Variants in MYO3B observed in about 807,000 individuals in gnomAD.
MYO3B encodes myosin-IIIb.
A neutral mutation model predicts 174.6 loss-of-function variants in MYO3B; 156 were observed. The ratio of observed to expected loss-of-function variants is 0.89; its 90% confidence interval spans 0.78 to 1.02. The LOEUF is 1.02. MYO3B is among the 50% of genes least tolerant of loss of function. MYO3B has a pLI of 0.00. For synonymous variants in MYO3B, 563 were observed against 569.1 expected (o/e 0.99, Z 0.15); for missense variants, 1,632 against 1,639.4 (o/e 1.00, Z 0.08).
chr2:170,250,066 A>T (rs1265298535), intron 7 of MYO3B, among the ~76,000 whole-genome samples: 6 of 152,174 alleles, frequency 3.9e-5, no homozygotes, highest in Non-Finnish European at 8.8e-5. Flanking sequence ...TACCATGAAG[A>T]CTATTGGAAG....
Position 170,228,756 on chromosome 2 carries a change from C to G in MYO3B, c.604-7235C>G, listed in dbSNP as rs150106136. ...TAGACTTAAGCTGAAACTTACAATCCTGGGAAAAAAGAGACCCATAGAACA... is the reference window on the plus strand; with the variant it reads ...TAGACTTAAGCTGAAACTTACAATCGTGGGAAAAAAGAGACCCATAGAACA... On this transcript the variant is annotated intron_variant, in intron 6 of 34. Coordinates refer to ENST00000408978, the MANE Select transcript of MYO3B (RefSeq NM_138995.5). Among the ~76,000 whole-genome samples, 27 of 151,934 alleles carry G rather than the reference C, an allele frequency of 1.8e-4. 1 individual carries two copies. The East Asian group carries it at 5.2e-3, about 29-fold the overall frequency.
intron 7 of MYO3B, among the ~76,000 whole-genome samples, chr2:170,253,573 T>G (rs568769756): frequency 1.3e-5 from 2 of 152,212 alleles, no homozygotes; most frequent in East Asian, 3.9e-4. Context: ...TCTAGAAATT[T>G]AATGTCATGG....
At chr2:170,389,974 C>T (rs2094400538) in intron 14 of MYO3B, among the ~76,000 whole-genome samples, 1 of 151,980 alleles carries the variant, frequency 6.6e-6, no homozygotes, top group Admixed American at 6.6e-5. Flanking sequence ...CTTATAATGA[C>T]ACTCAGAGAA....
chr2:170,426,599 T>A (rs1360615305), intron 22 of MYO3B, among the ~76,000 whole-genome samples: 1 of 152,044 alleles, frequency 6.6e-6, no homozygotes, highest in Non-Finnish European at 1.5e-5. Context: ...CATTCTAAAA[T>A]GTTCTTCTAG....
At chr2:170,183,252 G>A (rs1019791344) in intron 1 of MYO3B, among the ~76,000 whole-genome samples, 4 of 150,066 alleles carry the variant, frequency 2.7e-5, no homozygotes, top group African/African-American at 9.8e-5. Flanking sequence ...GCAAGACTCT[G>A]TCTCAAAAAA....
intron 9 of MYO3B, among the ~76,000 whole-genome samples, chr2:170,374,792 C>A (rs979143112): frequency 2.6e-5 from 4 of 151,726 alleles, no homozygotes; most frequent in African/African-American, 9.7e-5. Flanking sequence ...CACACACACA[C>A]ACACACACTA....
At chr2:170,583,174 G>C (rs972250057) in intron 32 of MYO3B, among the ~76,000 whole-genome samples, 1 of 147,376 alleles carries the variant, frequency 6.8e-6, no homozygotes, top group African/African-American at 2.5e-5. Flanking sequence ...TCCCTTACCA[G>C]ACTGATAGAT....
intron 8 of MYO3B, among the ~76,000 whole-genome samples, chr2:170,357,320 TA>T (rs1270181307): frequency 1.4e-5 from 2 of 142,894 alleles, no homozygotes; most frequent in Non-Finnish European, 3.1e-5. Context: ...AAAATAAAAA[TA>T]AAAATAAATA....
rs140784359 is a variant in MYO3B at position 170,261,100 on chromosome 2, C to T, written c.749+24964C>T. Among the ~76,000 whole-genome samples, 26 of 152,202 alleles carry T rather than the reference C, an allele frequency of 1.7e-4. No individual in the cohort carries two copies. The South Asian group carries it at 2.1e-3, about 12-fold the overall frequency. Reference sequence around the variant, plus strand: ...GTGCAATGACACGATCTTGGCTCACCGCAAACTCCGCCTTCCGGGTTCAAG... The same window carrying T: ...GTGCAATGACACGATCTTGGCTCACTGCAAACTCCGCCTTCCGGGTTCAAG... On this transcript the variant is annotated intron_variant, in intron 7 of 34. Coordinates refer to ENST00000408978, the MANE Select transcript of MYO3B (RefSeq NM_138995.5).
At chr2:170,572,200 C>T (rs867318444) in intron 32 of MYO3B, among the ~76,000 whole-genome samples, 4 of 151,954 alleles carry the variant, frequency 2.6e-5, no homozygotes, top group East Asian at 1.9e-4. Context: ...GAGGCCGAGG[C>T]GGGTGGATCA....
At chr2:170,225,467 A>G (rs936783335) in intron 6 of MYO3B, among the ~76,000 whole-genome samples, 1 of 152,206 alleles carries the variant, frequency 6.6e-6, no homozygotes, top group African/African-American at 2.4e-5. Context: ...TTCCTAATAT[A>G]TGAAGGAAAA....
chr2:170,607,971 G>A (rs980521207), intron 32 of MYO3B, among the ~76,000 whole-genome samples: 1 of 152,078 alleles, frequency 6.6e-6, no homozygotes, highest in Non-Finnish European at 1.5e-5. Context: ...TATAATTAGG[G>A]GTCACTGACT....
Position 170,402,832 on chromosome 2 carries a change from C to T in MYO3B, c.2130-16C>T, listed in dbSNP as rs1428349908. ...GTTTCCTCCCCTAAAGAGTTTTGTT[C>T]TTCTCTCTCATGCAGTAGTGCAGGA... On this transcript the variant is annotated splice_polypyrimidine_tract_variant and intron_variant, in intron 18 of 34. Transcript: ENST00000408978. 1.3e-6 allele frequency: 2 copies of T among 1,586,598 alleles called. No homozygotes were observed. The highest frequency in any genetic ancestry group is 8.6e-7 in the Non-Finnish European group (1 of 1,160,424).
intron 28 of MYO3B, among the ~76,000 whole-genome samples, chr2:170,510,252 C>G (rs575106222): frequency 5.9e-5 from 9 of 152,238 alleles, no homozygotes; most frequent in Non-Finnish European, 1.3e-4. Context: ...TTGGATCCTG[C>G]TTTCTAGGAA....
chr2:170,440,430 T>G (rs1241255090), intron 22 of MYO3B, among the ~76,000 whole-genome samples: 1 of 152,204 alleles, frequency 6.6e-6, no homozygotes, highest in Non-Finnish European at 1.5e-5. Flanking sequence ...TCCATCAGTT[T>G]ATTTGTGTCT....
At chr2:170,589,306 T>C (rs1361326310) in intron 32 of MYO3B, among the ~76,000 whole-genome samples, 1 of 152,152 alleles carries the variant, frequency 6.6e-6, no homozygotes, top group Non-Finnish European at 1.5e-5. Context: ...CCAAGTAAAC[T>C]ACTATGGACA....
intron 32 of MYO3B, among the ~76,000 whole-genome samples, chr2:170,644,931 AT>A (rs1239170268): frequency 6.6e-6 from 1 of 152,194 alleles, no homozygotes; most frequent in African/African-American, 2.4e-5. Context: ...CAAATATGAA[AT>A]CAGAAGGTGC....
intron 8 of MYO3B, among the ~76,000 whole-genome samples, chr2:170,352,153 G>A (rs1052935184): frequency 3.9e-5 from 6 of 152,028 alleles, no homozygotes; most frequent in Non-Finnish European, 7.4e-5. Flanking sequence ...GGGTTTCACC[G>A]TGTTGGCCAG....
At chr2:170,304,391 A>G (rs2093685882) in intron 7 of MYO3B, among the ~76,000 whole-genome samples, 1 of 150,528 alleles carries the variant, frequency 6.6e-6, no homozygotes, top group Non-Finnish European at 1.5e-5. Context: ...AATTCTATAT[A>G]TTTCAGGCCA....
Sources: gnomAD v4.1 joint callset for allele counts (sites outside exome capture counted in the v4.1 genomes callset) on GRCh38, gnomAD v4.1.1 for gene constraint, MANE v1.5 for transcripts, NCBI Gene and HGNC (gene_info 2026-07-23, HGNC 2026-07-21) for gene names.